The following SHQ1 variants were observed in gnomAD, a reference collection of about 807,000 sequenced individuals.
SHQ1 encodes the protein SHQ1, H/ACA ribonucleoprotein assembly factor, also known as protein SHQ1 homolog.
SHQ1 carries 49 observed loss-of-function variants against 53.8 expected under a neutral mutation model. The observed-to-expected ratio is 0.91, with a 90% confidence interval of 0.72 to 1.16. The LOEUF (loss-of-function observed/expected upper bound fraction) is 1.16. SHQ1 is among the 50% of genes most tolerant of loss of function. The pLI, the probability that SHQ1 is intolerant of heterozygous loss-of-function variation, is 0.00. For missense variants in SHQ1, 738 were observed against 683.1 expected, an observed-to-expected ratio of 1.08 and a Z score of -0.90; for synonymous variants, 243 against 251.0, an observed-to-expected ratio of 0.97 and a Z score of 0.30.
intron 6 of SHQ1, among the ~76,000 whole-genome samples, chr3:72,823,566 G>A (rs970018169): frequency 3.9e-5 from 6 of 152,050 alleles, no homozygotes; most frequent in African/African-American, 1.4e-4. Context: ...ATATCCAACC[G>A]GATACTATGT....
chr3:72,845,291 A>G (rs1708296028), intron 1 of SHQ1, among the ~76,000 whole-genome samples: 1 of 152,058 alleles, frequency 6.6e-6, no homozygotes, highest in Non-Finnish European at 1.5e-5. Flanking sequence ...CAAGACCAAC[A>G]TGGCCAAAAT....
At position 72,848,226 on chromosome 3, in the gene SHQ1, T is replaced by TG. The variant is rs1372870916; in HGVS notation, c.114dup (p.Lys39GlnfsTer23). ...AGAAAGTATGGCTTGGCGTAGAACT[T>TG]GAAGTCAGACCCCTCGAAGTAGACG... On this transcript the variant is annotated frameshift_variant, in exon 1 of 11. Coordinates refer to ENST00000325599, the MANE Select transcript of SHQ1 (RefSeq NM_018130.3). LOFTEE classifies it high-confidence loss of function. 1.2e-6 allele frequency: 2 copies of TG among 1,614,148 alleles called. No homozygotes were observed. Among genetic ancestry groups the TG allele is most frequent in the East Asian group, 4.5e-5 (2 of 44,876 alleles).
intron 10 of SHQ1, among the ~76,000 whole-genome samples, chr3:72,751,228 T>C (rs1705358113): frequency 1.3e-5 from 2 of 151,976 alleles, no homozygotes; most frequent in South Asian, 4.2e-4. Context: ...CTGGCCAACA[T>C]GGTGAAACCC....
At chr3:72,788,839 C>A (rs567085962) in intron 10 of SHQ1, among the ~76,000 whole-genome samples, 8 of 151,972 alleles carry the variant, frequency 5.3e-5, no homozygotes, top group Admixed American at 3.3e-4. Flanking sequence ...GGATTAAGGG[C>A]GGTGCAAGAT....
chr3:72,762,825 C>A (rs980706392), intron 10 of SHQ1, among the ~76,000 whole-genome samples: 1 of 152,092 alleles, frequency 6.6e-6, no homozygotes, highest in Non-Finnish European at 1.5e-5. Context: ...CAGGCACGCA[C>A]CACCACGCCT....
At chr3:72,811,524 A>G (rs1351811889) in intron 9 of SHQ1, among the ~76,000 whole-genome samples, 2 of 152,242 alleles carry the variant, frequency 1.3e-5, no homozygotes, top group East Asian at 3.8e-4. Context: ...TAGCTCTTTC[A>G]TCCTATAATC....
At chr3:72,834,379 A>G (rs1707929734) in intron 4 of SHQ1, among the ~76,000 whole-genome samples, 1 of 152,104 alleles carries the variant, frequency 6.6e-6, no homozygotes, top group African/African-American at 2.4e-5. Flanking sequence ...AAAATACAAA[A>G]ATTAGCCAGG....
intron 10 of SHQ1, among the ~76,000 whole-genome samples, chr3:72,758,484 G>A (rs933254076): frequency 2.0e-5 from 3 of 151,578 alleles, no homozygotes; most frequent in Non-Finnish European, 4.4e-5. Flanking sequence ...TCCTAAGGCT[G>A]CCATAACAAA....
intron 6 of SHQ1, among the ~76,000 whole-genome samples, chr3:72,820,250 G>A (rs1707437130): frequency 1.3e-5 from 2 of 152,178 alleles, no homozygotes; most frequent in South Asian, 2.1e-4. Context: ...CCACATGTAA[G>A]TATTTCTACA....
intron 9 of SHQ1, 91 bp from the exon 10 acceptor site, chr3:72,793,127 G>T (rs1706494004): frequency 1.7e-6 from 2 of 1,162,854 alleles, no homozygotes; most frequent in Non-Finnish European, 2.4e-6. Flanking sequence ...TCAGAATCCT[G>T]ATCATTTCTT....
At chr3:72,727,814 C>T in the SHQ1 span, among the ~76,000 whole-genome samples, 4 of 152,098 alleles carry the variant, frequency 2.6e-5, no homozygotes, top group Non-Finnish European at 5.9e-5. Context: ...GGTGCTGTTG[C>T]CATTCTGACC....
the SHQ1 span, among the ~76,000 whole-genome samples, chr3:72,736,514 G>C: frequency 6.6e-6 from 1 of 151,514 alleles, no homozygotes; most frequent in South Asian, 2.1e-4. Context: ...GTTTGGGCTG[G>C]GCACGGTGGC....
At position 72,824,530 on chromosome 3, in the gene SHQ1, C is replaced by T. The variant is rs749694499; in HGVS notation, c.621G>A (p.Glu207=). The T allele has an allele frequency of 9.3e-6, 15 of 1,608,600 alleles. No individual in the cohort carries two copies. In the East Asian group the frequency reaches 2.7e-4, roughly 29 times the overall value. ...TATACTTCAAAATCTGTTCAATCGC[C>T]TCATCTTCAAAAAAGTCAGCTCTAG... ...DHYLADFFED[E]AIEQILKYNP... Residue 207 remains glutamate (E), a synonymous_variant, in exon 6 of 11, where the codon GAG becomes GAA. Transcript: ENST00000325599.
intron 10 of SHQ1, among the ~76,000 whole-genome samples, chr3:72,777,255 T>C (rs1474964138): frequency 3.3e-5 from 5 of 152,272 alleles, no homozygotes; most frequent in Admixed American, 6.5e-5. Context: ...ACAAGGAGAC[T>C]GAAACATAAA....
intron 9 of SHQ1, among the ~76,000 whole-genome samples, chr3:72,800,561 A>G (rs1312726880): frequency 6.6e-6 from 1 of 152,242 alleles, no homozygotes; most frequent in Non-Finnish European, 1.5e-5. Flanking sequence ...ACCATGTGTG[A>G]TGAAGTCCTT....
At chr3:72,757,810 C>T (rs1705529669) in intron 10 of SHQ1, among the ~76,000 whole-genome samples, 1 of 152,068 alleles carries the variant, frequency 6.6e-6, no homozygotes, top group Non-Finnish European at 1.5e-5. Context: ...ACAACACACA[C>T]CAGGGCCTAT....
Position 72,838,044 on chromosome 3 carries a change from T to TGAA in SHQ1, c.486+3000_486+3001insTTC, listed in dbSNP as rs536770980. 6.8e-3 allele frequency among the ~76,000 whole-genome samples: 1,035 copies of TGAA among 152,376 alleles called. 15 individuals are homozygous for TGAA. Among genetic ancestry groups the TGAA allele is most frequent in the African/African-American group, 0.023 (975 of 41,590 alleles). On this transcript the variant is annotated intron_variant, in intron 4 of 10. Transcript: ENST00000325599. ...GCAAGGTGAGCTTCAGGATTCACTC[T>TGAA]TTCAGAGTTTAGAAAGGTAACATGG...
At chr3:72,794,057 T>TG (rs1706525478) in intron 9 of SHQ1, 1 of 152,238 alleles carries the variant, frequency 6.6e-6, no homozygotes, top group Non-Finnish European at 1.5e-5. Context: ...AGGTGAACTA[T>TG]TAATTCTACA....
intron 1 of SHQ1, chr3:72,846,375 A>T (rs1708329365): frequency 3.5e-6 from 5 of 1,419,002 alleles, no homozygotes; most frequent in Admixed American, 4.7e-5. Flanking sequence ...GCTCACTGCA[A>T]CCTTCGCCCC....
Sources: gnomAD v4.1 joint callset for allele counts (sites outside exome capture counted in the v4.1 genomes callset) on GRCh38, gnomAD v4.1.1 for gene constraint, MANE v1.5 for transcripts, NCBI Gene and HGNC (gene_info 2026-07-23, HGNC 2026-07-21) for gene names.